Variants in NAV2 observed in about 807,000 individuals in gnomAD.
The protein encoded by NAV2 is neuron navigator 2.
Under a neutral mutation model 223.2 loss-of-function variants are expected in NAV2, and 54 were observed. That is an observed-to-expected ratio of 0.24 (90% CI 0.19 to 0.30). The LOEUF is 0.30. NAV2 is among the 10% of genes least tolerant of loss of function. NAV2 has a pLI of 1.00. For missense variants in NAV2, 2,806 were observed against 3,147.5 expected (o/e 0.89, Z 2.60); for synonymous variants, 1,279 against 1,239.3 (o/e 1.03, Z -0.67).
intron 1 of NAV2, among the ~76,000 whole-genome samples, chr11:19,463,864 G>A (rs768097981): frequency 7.2e-5 from 11 of 152,072 alleles, no homozygotes; most frequent in African/African-American, 1.4e-4. Context: ...GGGAAGGGCT[G>A]GGCTGGGGGT....
In NAV2 at chr11:20,097,855, C is replaced by A; in HGVS notation, c.6181+110C>A. The stretch of plus-strand genomic sequence containing the variant: ...TTTTGTTTGTGCATGTATTTGTGGG[C>A]TGCTTGTCTCCCTTCTACCACAGTT... On this transcript the variant is annotated intron_variant, in intron 31 of 37. Coordinates refer to ENST00000349880, the MANE Select transcript of NAV2 (RefSeq NM_145117.5). 3 of 967,288 alleles carry A rather than the reference C, an allele frequency of 3.1e-6. No homozygotes were observed. In the South Asian group the frequency reaches 5.5e-5, roughly 18 times the overall value. The allele number at this position is 967,288 out of a possible 1,614,324, so 59.9% of individuals were successfully genotyped here.
At chr11:19,752,425 C>CA (rs1270222566) in intron 1 of NAV2, among the ~76,000 whole-genome samples, 3 of 152,270 alleles carry the variant, frequency 2.0e-5, no homozygotes, top group Non-Finnish European at 2.9e-5. Context: ...TTTCTCATTT[C>CA]AAAAATCTTA....
At chr11:19,756,201 C>T (rs76861168) in intron 1 of NAV2, among the ~76,000 whole-genome samples, 701 of 152,244 alleles carry the variant, frequency 4.6e-3, no homozygotes, top group Non-Finnish European at 7.7e-3. Context: ...TGGCTCAGAA[C>T]GCACATTCAG....
chr11:19,956,438 G>T (rs1312928121), intron 10 of NAV2, among the ~76,000 whole-genome samples: 1 of 151,058 alleles, frequency 6.6e-6, no homozygotes, highest in African/African-American at 2.4e-5. Context: ...CCAATCACAA[G>T]TCATAGGTCC....
At chr11:19,583,398 G>A (rs1226511570) in intron 1 of NAV2, among the ~76,000 whole-genome samples, 2 of 152,170 alleles carry the variant, frequency 1.3e-5, no homozygotes, top group Non-Finnish European at 2.9e-5. Flanking sequence ...GCCCTGGCCA[G>A]AACTTCCAAC....
chr11:19,420,188 G>A (rs745813871), intron 1 of NAV2, among the ~76,000 whole-genome samples: 5 of 152,182 alleles, frequency 3.3e-5, no homozygotes, highest in Admixed American at 6.5e-5. Flanking sequence ...TAGTAGTGAC[G>A]TTAGCCTATG....
At chr11:19,952,441 G>T (rs928635069) in intron 10 of NAV2, among the ~76,000 whole-genome samples, 4 of 152,194 alleles carry the variant, frequency 2.6e-5, no homozygotes, top group Non-Finnish European at 4.4e-5. Flanking sequence ...TCGGGGTCTA[G>T]ATGCCTTATC....
intron 1 of NAV2, among the ~76,000 whole-genome samples, chr11:19,736,931 A>AG (rs1440486208): frequency 1.3e-5 from 2 of 152,220 alleles, no homozygotes; most frequent in Non-Finnish European, 2.9e-5. Flanking sequence ...GGAAAAAAAA[A>AG]CTTATTGCCA....
At chr11:19,346,455 G>T (rs1270859932), upstream of NAV2, among the ~76,000 whole-genome samples, 1 of 152,192 alleles carries the variant, frequency 6.6e-6, no homozygotes, top group Non-Finnish European at 1.5e-5. Flanking sequence ...GGGCGCGGGC[G>T]GGGAGGGGGC....
chr11:19,620,483 G>GTTT (rs2046957069), intron 1 of NAV2, among the ~76,000 whole-genome samples: 2 of 151,646 alleles, frequency 1.3e-5, no homozygotes, highest in South Asian at 4.2e-4. Context: ...CACATCCCTT[G>GTTT]TAAGTTGGAT....
At chr11:19,446,557 T>TA (rs1168302511) in intron 1 of NAV2, among the ~76,000 whole-genome samples, 1 of 152,184 alleles carries the variant, frequency 6.6e-6, no homozygotes, top group African/African-American at 2.4e-5. Context: ...TTCTGCCTCT[T>TA]AATGAGCTCC....
chr11:19,557,215 C>T (rs562248799), intron 1 of NAV2, among the ~76,000 whole-genome samples: 15 of 152,230 alleles, frequency 9.9e-5, no homozygotes, highest in Admixed American at 2.0e-4. Flanking sequence ...TTAATGTAGC[C>T]GTTTGGCAAG....
At chr11:19,438,298 G>A (rs547721322) in intron 1 of NAV2, among the ~76,000 whole-genome samples, 85 of 152,302 alleles carry the variant, frequency 5.6e-4, no homozygotes, top group African/African-American at 1.9e-3. Context: ...TGAGGCTTCC[G>A]AAGATTAAGT....
intron 1 of NAV2, among the ~76,000 whole-genome samples, chr11:19,820,405 G>C (rs945359778): frequency 4.6e-5 from 7 of 152,256 alleles, no homozygotes; most frequent in Non-Finnish European, 1.0e-4. Context: ...CTTTCTGGCA[G>C]CTAGTAGAGA....
rs536793977 is a variant in NAV2 at position 20,015,761 on chromosome 11, G to A, written c.2769-20198G>A. ...AAGAGAACAATCACTGCAAATATAG[G>A]AGGAGCGACTATAGTGTGGAATTTG... On this transcript the variant is annotated intron_variant, in intron 11 of 37. Transcript: ENST00000349880. Among the ~76,000 whole-genome samples, 3 of 152,280 alleles carry A rather than the reference G, an allele frequency of 2.0e-5. No individual in the cohort carries two copies. The East Asian group carries it at 5.8e-4, about 29-fold the overall frequency.
rs1450379987 is a variant in NAV2, at chr11:19,712,865, A to C, written c.-831A>C. On this transcript the variant is annotated 5_prime_UTR_variant, in exon 1 of 38. Coordinates refer to ENST00000349880, the MANE Select transcript of NAV2 (RefSeq NM_145117.5). ...CTCCCCTGCGCTGAGCCCCGCAGCC[A>C]GCGCAGCCTTCCCGGGAAGCGCGGC... Among the ~76,000 whole-genome samples, 3 of 151,110 alleles carry C rather than the reference A, an allele frequency of 2.0e-5. No homozygotes were observed. Among genetic ancestry groups the C allele is most frequent in the Admixed American group, 6.6e-5 (1 of 15,162 alleles).
chr11:19,541,104 A>C (rs2044328886), intron 1 of NAV2, among the ~76,000 whole-genome samples: 1 of 152,236 alleles, frequency 6.6e-6, no homozygotes, highest in African/African-American at 2.4e-5. Flanking sequence ...TAAATGCTAA[A>C]CTATATTATT....
rs926223467 is a variant in NAV2 at position 19,998,271 on chromosome 11, T to TTC, written c.2768+14033_2768+14034dup. 3.3e-5 allele frequency among the ~76,000 whole-genome samples: 5 copies of TTC among 151,868 alleles called. No individual in the cohort carries two copies. The highest frequency in any genetic ancestry group is 3.3e-4 in the Admixed American group (5 of 15,208). ...TCTGTGTTTCTCCCTGTCTCTCTGC[T>TTC]TCTCTCTCTCCCTCTCTCCGCCCAC... On this transcript the variant is annotated intron_variant, in intron 11 of 37. Coordinates refer to ENST00000349880, the MANE Select transcript of NAV2 (RefSeq NM_145117.5). This position sits in a 1 kb window ranked among gnomAD's most constrained non-coding sequence, Gnocchi z 5.0.
chr11:20,098,018 G>T (rs1468009699), intron 31 of NAV2, among the ~76,000 whole-genome samples: 1 of 152,142 alleles, frequency 6.6e-6, no homozygotes, highest in Non-Finnish European at 1.5e-5. Context: ...TAATAACCCT[G>T]TTGAAATAGG....
Sources: allele counts gnomAD v4.1 joint callset (sites outside exome capture counted in the v4.1 genomes callset), GRCh38; gene constraint gnomAD v4.1.1; non-coding constraint Gnocchi (gnomAD v3.1); transcripts MANE v1.5; gene names NCBI Gene and HGNC (gene_info 2026-07-23, HGNC 2026-07-21).